RALYL: variants seen among roughly 807,000 people sequenced by gnomAD.
RALYL encodes RNA-binding Raly-like protein.
In RALYL, 29 loss-of-function variants were observed where a neutral mutation model predicts 35.1. That is an observed-to-expected ratio of 0.83 (90% CI 0.61 to 1.13). RALYL has a LOEUF of 1.13. RALYL is among the 50% of genes most tolerant of loss of function. RALYL has a pLI of 0.00. For missense variants in RALYL, 359 were observed against 360.4 expected (o/e 1.00, Z 0.03); for synonymous variants, 120 against 127.6 (o/e 0.94, Z 0.40).
chr8:84,787,369 T>C (rs1292684727), intron 3 of RALYL, among the ~76,000 whole-genome samples: 1 of 152,212 alleles, frequency 6.6e-6, no homozygotes, highest in African/African-American at 2.4e-5. Flanking sequence ...TAGTATTCCA[T>C]TGTGTATATG....
chr8:84,530,779 A>T (rs955179757), intron 2 of RALYL, among the ~76,000 whole-genome samples: 4 of 152,116 alleles, frequency 2.6e-5, no homozygotes, highest in African/African-American at 9.7e-5. Context: ...TACCATACCT[A>T]CAATGCCCTA....
chr8:84,887,725 G>C lies in RALYL; in HGVS notation c.807G>C (p.Glu269Asp), dbSNP rs775694562. ...AEGGPDADGE[E>D]MTDGIEEDFD... ...GAGGGCCAGATGCCGATGGAGAAGA[G>C]ATGACAGATGGGATAGAGGAGGACT... is the stretch of plus-strand genomic sequence containing the variant. The change falls in exon 8 of 9, where the codon GAG becomes GAC. Residue 269 changes from glutamate to aspartate, a missense_variant. Coordinates refer to ENST00000521268, the MANE Select transcript of RALYL (RefSeq NM_173848.7). 40 of 1,613,822 alleles carry C rather than the reference G, an allele frequency of 2.5e-5. No homozygotes were observed. The Admixed American group carries it at 4.5e-4, about 18-fold the overall frequency.
intron 2 of RALYL, among the ~76,000 whole-genome samples, chr8:84,666,949 T>C (rs1208560041): frequency 6.6e-6 from 1 of 152,046 alleles, no homozygotes; most frequent in Non-Finnish European, 1.5e-5. Flanking sequence ...GCTATATCAA[T>C]TAGGAAAGAC....
At chr8:84,211,322 T>C (rs1819441981) in intron 1 of RALYL, among the ~76,000 whole-genome samples, 1 of 152,176 alleles carries the variant, frequency 6.6e-6, no homozygotes. Flanking sequence ...GTTAATACTT[T>C]AACAACTGGT....
chr8:84,864,197 G>C (rs1272352634), intron 6 of RALYL, among the ~76,000 whole-genome samples: 1 of 128,364 alleles, frequency 7.8e-6, no homozygotes, highest in Non-Finnish European at 1.7e-5. Flanking sequence ...CTTTGTGTGT[G>C]TGTTTGTGTG....
Position 84,887,690 on chromosome 8 carries a change from C to G in RALYL, c.772C>G (p.Pro258Ala). ...GATTGCAGATCACTCTACAGAGGAGCCTGCTGAAGGAGGGCCAGATGCCGA... is the reference window on the plus strand; with the variant it reads ...GATTGCAGATCACTCTACAGAGGAGGCTGCTGAAGGAGGGCCAGATGCCGA... ...SEIADHSTEE[P>A]AEGGPDADGE... The change falls in exon 8 of 9, where the codon CCT becomes GCT. Residue 258 changes from proline to alanine, a missense_variant. Pro to Ala is a conservative substitution (Grantham distance 27). Transcript: ENST00000521268. 6.2e-7 allele frequency: 1 copy of G among 1,613,644 alleles called. No individual in the cohort carries two copies. Among genetic ancestry groups the G allele is most frequent in the Non-Finnish European group, 8.5e-7 (1 of 1,179,708 alleles).
chr8:84,534,628 C>G (rs1319190325), intron 2 of RALYL, among the ~76,000 whole-genome samples: 2 of 152,010 alleles, frequency 1.3e-5, no homozygotes, highest in African/African-American at 4.8e-5. Context: ...AATGGATGGA[C>G]TTGGCTAAAG....
chr8:84,494,595 T>C (rs2055778950), intron 1 of RALYL, among the ~76,000 whole-genome samples: 1 of 151,662 alleles, frequency 6.6e-6, no homozygotes, highest in African/African-American at 2.4e-5. Flanking sequence ...GGCTTGTAGT[T>C]CTTGAAGAGC....
At chr8:84,557,688 A>G (rs978463911) in intron 2 of RALYL, among the ~76,000 whole-genome samples, 26 of 152,184 alleles carry the variant, frequency 1.7e-4, no homozygotes, top group Admixed American at 1.7e-3. Flanking sequence ...GGCACTATTT[A>G]CTATATTTAC....
At chr8:84,352,370 A>G (rs1397009136) in intron 1 of RALYL, among the ~76,000 whole-genome samples, 1 of 150,578 alleles carries the variant, frequency 6.6e-6, no homozygotes, top group Non-Finnish European at 1.5e-5. Context: ...GAAATTAAAA[A>G]TACTCAAAAG....
At chr8:84,470,597 A>G (rs1002124327) in intron 1 of RALYL, among the ~76,000 whole-genome samples, 7 of 152,130 alleles carry the variant, frequency 4.6e-5, no homozygotes, top group Admixed American at 1.3e-4. Context: ...TGTTTTACTG[A>G]CATTGTGTCC....
At chr8:84,270,209 G>A (rs1316520642) in intron 1 of RALYL, among the ~76,000 whole-genome samples, 3 of 152,180 alleles carry the variant, frequency 2.0e-5, no homozygotes, top group Non-Finnish European at 2.9e-5. Context: ...CCTCTAAGAT[G>A]TGCATTGTGA....
intron 8 of RALYL, 47 bp downstream of exon 8, chr8:84,887,823 A>T: frequency 6.8e-7 from 1 of 1,478,502 alleles, no homozygotes; most frequent in Non-Finnish European, 9.3e-7. Flanking sequence ...TAACAACACT[A>T]GCATGTTAGC....
At chr8:84,759,755 T>C (rs1812248104) in intron 2 of RALYL, among the ~76,000 whole-genome samples, 3 of 152,330 alleles carry the variant, frequency 2.0e-5, no homozygotes, top group South Asian at 4.1e-4. Context: ...TCATTTATAA[T>C]TCAGAAATTG....
chr8:84,735,836 G>T (rs1435301546), intron 2 of RALYL, among the ~76,000 whole-genome samples: 1 of 151,478 alleles, frequency 6.6e-6, no homozygotes, highest in African/African-American at 2.4e-5. Flanking sequence ...GAGAGAGAGA[G>T]AGAGAGAGAG....
chr8:84,602,296 A>G (rs1435578600), intron 2 of RALYL, among the ~76,000 whole-genome samples: 1 of 152,180 alleles, frequency 6.6e-6, no homozygotes, highest in African/African-American at 2.4e-5. Flanking sequence ...TCAGAAATCT[A>G]TAAGTCATTT....
intron 8 of RALYL, among the ~76,000 whole-genome samples, chr8:84,898,791 C>G (rs970599699): frequency 6.6e-6 from 1 of 152,156 alleles, no homozygotes; most frequent in African/African-American, 2.4e-5. Context: ...CTGGTGAACA[C>G]CCACTTTTAT....
chr8:84,462,725 T>C (rs1458960568), intron 1 of RALYL, among the ~76,000 whole-genome samples: 1 of 151,634 alleles, frequency 6.6e-6, no homozygotes, highest in African/African-American at 2.4e-5. Flanking sequence ...TCATAAAATA[T>C]ATGGCTTCAA....
chr8:84,637,951 A>G (rs930435137), intron 2 of RALYL, among the ~76,000 whole-genome samples: 1 of 151,926 alleles, frequency 6.6e-6, no homozygotes, highest in Non-Finnish European at 1.5e-5. Context: ...AAAAGCTAGA[A>G]CAAATAGACT....
Sources: gnomAD v4.1 joint callset for allele counts (sites outside exome capture counted in the v4.1 genomes callset) on GRCh38, gnomAD v4.1.1 for gene constraint, MANE v1.5 for transcripts, NCBI Gene and HGNC (gene_info 2026-07-23, HGNC 2026-07-21) for gene names.